TRAF3IP1: variants seen among roughly 807,000 people sequenced by gnomAD.
TRAF3IP1 encodes the protein intraflagellar transport 54.
Under a neutral mutation model 89.9 loss-of-function variants are expected in TRAF3IP1, and 53 were observed. The observed-to-expected ratio is 0.59, with a 90% confidence interval of 0.47 to 0.74. TRAF3IP1 has a LOEUF of 0.74. Ranked by LOEUF, TRAF3IP1 falls within the 30% of genes least tolerant of loss-of-function variation. The pLI, the probability that TRAF3IP1 is intolerant of heterozygous loss-of-function variation, is 0.00. For missense variants in TRAF3IP1, 806 were observed against 866.1 expected (o/e 0.93, Z 0.87); for synonymous variants, 311 against 322.1 (o/e 0.97, Z 0.37).
At chr2:238,396,868 C>CCTGCTGGGTG (rs1275345716) in intron 15 of TRAF3IP1, among the ~76,000 whole-genome samples, 4 of 152,230 alleles carry the variant, frequency 2.6e-5, no homozygotes, top group Middle Eastern at 3.4e-3. Flanking sequence ...TGACCATCTG[C>CCTGCTGGGTG]CTGCTGGGTG....
chr2:238,340,628 C>G (rs1010416784), intron 8 of TRAF3IP1, among the ~76,000 whole-genome samples: 14 of 152,218 alleles, frequency 9.2e-5, no homozygotes, highest in African/African-American at 3.1e-4. Context: ...CCAGGTTTTT[C>G]TGGAACATTA....
At chr2:238,365,807 A>G (rs1428369457) in intron 15 of TRAF3IP1, among the ~76,000 whole-genome samples, 1 of 152,132 alleles carries the variant, frequency 6.6e-6, no homozygotes, top group East Asian at 1.9e-4. Context: ...TTTGTTTCTT[A>G]GAGGTTTTGT....
intron 15 of TRAF3IP1, among the ~76,000 whole-genome samples, chr2:238,368,939 C>G (rs978315130): frequency 2.0e-5 from 3 of 152,162 alleles, no homozygotes; most frequent in African/African-American, 7.2e-5. Context: ...TCCCAAAGTG[C>G]TGGGATTACA....
At chr2:238,339,491 G>GC (rs1171967950) in intron 8 of TRAF3IP1, among the ~76,000 whole-genome samples, 2 of 152,252 alleles carry the variant, frequency 1.3e-5, no homozygotes, top group Admixed American at 6.5e-5. Flanking sequence ...ATCCTGCACT[G>GC]CAGGAGAGGG....
rs1159490108 is a variant in TRAF3IP1 at position 238,329,056 on chromosome 2, A to G, written c.629A>G (p.Asn210Ser). 1.3e-6 allele frequency: 2 copies of G among 1,551,698 alleles called. No individual in the cohort carries two copies. The highest frequency in any genetic ancestry group is 2.4e-5 in the South Asian group (2 of 84,080). ...GAGAAGGCCAAGGAGAATGGCGGAA[A>G]CAGACACAGAGAAGGGGAGAGAGAG... ...DKEKAKENGG[N>S]RHREGERERA... Residue 210 changes from asparagine (N) to serine (S), a missense_variant, in exon 5 of 17, where the codon AAC (asparagine) becomes AGC (serine). Around this residue, in one of 3 missense-constraint regions of TRAF3IP1, gnomAD observed 732 missense variants for 780.5 expected, o/e 0.94. Coordinates refer to ENST00000373327, the MANE Select transcript of TRAF3IP1 (RefSeq NM_015650.4).
At chr2:238,347,325 A>C (rs1698939386) in intron 9 of TRAF3IP1, 130 bp from the exon 10 acceptor site, 13 of 929,284 alleles carry the variant, frequency 1.4e-5, no homozygotes. Context: ...GCTATGAGGA[A>C]ATGATCTTTT....
chr2:238,325,160 G>A (rs75933052), intron 1 of TRAF3IP1, 146 bp from the exon 2 acceptor site: 2 of 780,500 alleles, frequency 2.6e-6, no homozygotes, highest in Non-Finnish European at 4.4e-6. Context: ...AGCACGTGTA[G>A]TAGACATCAA....
At chr2:238,396,938 C>A (rs1701252986) in intron 15 of TRAF3IP1, among the ~76,000 whole-genome samples, 1 of 152,228 alleles carries the variant, frequency 6.6e-6, no homozygotes, top group Non-Finnish European at 1.5e-5. Flanking sequence ...CCATGCCCTC[C>A]TTTCCATGGC....
rs762741903 is a variant in TRAF3IP1, at chr2:238,328,764, A to G, written c.433A>G (p.Arg145Gly). 8 of 1,614,016 alleles carry G rather than the reference A, an allele frequency of 5.0e-6. No individual in the cohort carries two copies. Among genetic ancestry groups the G allele is most frequent in the Non-Finnish European group, 5.9e-6 (7 of 1,180,024 alleles). ...EVKGRASLTS[R>G]SQELDNKNVR... is the part of the protein sequence containing the mutation. ...GAAAGGCCGGGCCTCACTGACCTCAAGATCTCAGGAATTGGATAATAAGAA... is the reference window on the plus strand; with the variant it reads ...GAAAGGCCGGGCCTCACTGACCTCAGGATCTCAGGAATTGGATAATAAGAA... The change falls in exon 4 of 17, where the codon AGA becomes GGA. Residue 145 changes from arginine (R) to glycine (G), a missense_variant. By Grantham distance (125) the Arg-to-Gly change is moderately radical. This residue lies in a region of TRAF3IP1 where 732 missense variants were observed against 780.5 expected (regional missense o/e 0.94). Coordinates refer to ENST00000373327, the MANE Select transcript of TRAF3IP1 (RefSeq NM_015650.4).
chr2:238,324,001 C>T (rs1433898696), intron 1 of TRAF3IP1, among the ~76,000 whole-genome samples: 6 of 152,158 alleles, frequency 3.9e-5, no homozygotes, highest in African/African-American at 7.2e-5. Context: ...AGTAGTGACA[C>T]GTGGTGAGGA....
rs1346393691 is a variant in TRAF3IP1, at chr2:238,397,497, G to A, written c.1728G>A (p.Lys576=). The A allele has an allele frequency of 5.0e-6, 8 of 1,612,958 alleles. No homozygotes were observed. In the South Asian group the frequency reaches 8.8e-5, roughly 18 times the overall value. ...SLFESAWKKE[K]DIVSKEIEKL... is the part of the protein sequence containing the mutation. ...TTGAGTCGGCATGGAAGAAGGAGAA[G>A]GACATCGTTTCCAAGGAGATAGAGA... The change falls in exon 16 of 17, where the codon AAG becomes AAA. Residue 576 remains lysine, a synonymous_variant. Transcript: ENST00000373327.
rs374278133 is a variant in TRAF3IP1, at chr2:238,381,141, A to T, written c.1690-16318A>T. On this transcript the variant is annotated intron_variant, in intron 15 of 16. Coordinates refer to ENST00000373327, the MANE Select transcript of TRAF3IP1 (RefSeq NM_015650.4). The stretch of plus-strand genomic sequence containing the variant: ...TTTTTTTTTAATTATTTATTTATTT[A>T]TTTTTTTTTTTTTCAGAATTCTGTT... Among the ~76,000 whole-genome samples, 490 of 133,000 alleles carry T rather than the reference A, an allele frequency of 3.7e-3. 4 individuals are homozygous for T. Among genetic ancestry groups the T allele is most frequent in the Admixed American group, 7.3e-3 (96 of 13,086 alleles). 87.3% of individuals were successfully genotyped at this position (133,000 alleles called of 152,430 possible).
At chr2:238,394,325 T>C (rs1427402755) in intron 15 of TRAF3IP1, among the ~76,000 whole-genome samples, 1 of 152,244 alleles carries the variant, frequency 6.6e-6, no homozygotes, top group Admixed American at 6.5e-5. Context: ...TACAAAAACA[T>C]TGGCTGCAAG....
chr2:238,333,263 A>AC (rs1463668186), intron 6 of TRAF3IP1, among the ~76,000 whole-genome samples: 1 of 151,566 alleles, frequency 6.6e-6, no homozygotes, highest in Admixed American at 6.6e-5. Context: ...AGTGGGAGGG[A>AC]CCCCTCCAAC....
chr2:238,349,412 A>G lies in TRAF3IP1; in HGVS notation c.1451+4A>G. ...TGGAGGCGCTACAAATGGATAGGTAAGGCTGGCTCAGCAGGGCAGTTCCAG... is the reference window on the plus strand; with the variant it reads ...TGGAGGCGCTACAAATGGATAGGTAGGGCTGGCTCAGCAGGGCAGTTCCAG... On this transcript the variant is annotated splice_donor_region_variant and intron_variant, in intron 12 of 16. Coordinates refer to ENST00000373327, the MANE Select transcript of TRAF3IP1 (RefSeq NM_015650.4). 1 of 1,613,660 alleles carries G rather than the reference A, an allele frequency of 6.2e-7. No individual in the cohort carries two copies. The highest frequency in any genetic ancestry group is 8.5e-7 in the Non-Finnish European group (1 of 1,179,862).
intron 15 of TRAF3IP1, among the ~76,000 whole-genome samples, chr2:238,362,685 T>A (rs2106339772): frequency 6.6e-6 from 1 of 152,380 alleles, no homozygotes; most frequent in South Asian, 2.1e-4. Context: ...GTGAAATCTC[T>A]ATTTTAGGCA....
intron 15 of TRAF3IP1, among the ~76,000 whole-genome samples, chr2:238,396,280 C>A (rs1234345969): frequency 6.8e-6 from 1 of 146,964 alleles, no homozygotes; most frequent in Non-Finnish European, 1.5e-5. Context: ...GTCGCAAGGA[C>A]AAAAAACCAA....
chr2:238,384,674 C>T (rs1328397246), intron 15 of TRAF3IP1, among the ~76,000 whole-genome samples: 1 of 151,678 alleles, frequency 6.6e-6, no homozygotes, highest in Non-Finnish European at 1.5e-5. Context: ...TGAGCCACCA[C>T]GCCTGGCCTG....
At chr2:238,359,366 C>A (rs1401254463) in intron 15 of TRAF3IP1, among the ~76,000 whole-genome samples, 3 of 152,068 alleles carry the variant, frequency 2.0e-5, no homozygotes, top group Admixed American at 6.5e-5. Context: ...GTTCCCCTTA[C>A]CCCACGCCCC....
Sources: gnomAD v4.1 joint callset for allele counts (sites outside exome capture counted in the v4.1 genomes callset) on GRCh38, gnomAD v4.1.1 for gene constraint, gnomAD v4.1.1 regional missense constraint, MANE v1.5 for transcripts, NCBI Gene and HGNC (gene_info 2026-07-23, HGNC 2026-07-21) for gene names.